NRG1: variants seen among roughly 807,000 people sequenced by gnomAD.
NRG1 encodes the protein pro-neuregulin-1, membrane-bound isoform.
In NRG1, 18 loss-of-function variants were observed where a neutral mutation model predicts 63.8. The observed-to-expected ratio is 0.28, with a 90% CI of 0.19 to 0.42. NRG1 has a LOEUF of 0.42. Among genes scored for constraint, NRG1 ranks in the 10% least tolerant of loss-of-function variants. NRG1 has a pLI of 1.00. For synonymous variants in NRG1, 302 were observed against 301.3 expected (o/e 1.00, Z -0.02); for missense variants, 762 against 814.7 (o/e 0.94, Z 0.79).
At chr8:31,826,361 GT>G (rs1824559988) in intron 1 of NRG1, among the ~76,000 whole-genome samples, 1 of 152,110 alleles carries the variant, frequency 6.6e-6, no homozygotes, top group South Asian at 2.1e-4. Flanking sequence ...GGTCTTTCCT[GT>G]GCTGTTCTCG....
intron 1 of NRG1, among the ~76,000 whole-genome samples, chr8:31,894,726 A>AT (rs1356165566): frequency 6.6e-6 from 1 of 151,522 alleles, no homozygotes; most frequent in Non-Finnish European, 1.5e-5. Flanking sequence ...AATTTTTTGT[A>AT]TTTTTAGTAG....
At chr8:31,820,802 T>G (rs937051336) in intron 1 of NRG1, among the ~76,000 whole-genome samples, 5 of 152,242 alleles carry the variant, frequency 3.3e-5, no homozygotes, top group African/African-American at 1.2e-4. Context: ...TTGTATACTT[T>G]ATCTTACAAA....
At chr8:32,251,287 T>A (rs2200045) in intron 1 of NRG1, among the ~76,000 whole-genome samples, 65,916 of 151,792 alleles carry the variant, frequency 0.43, 14,656 homozygotes, top group Admixed American at 0.48. Flanking sequence ...AACTCCCACT[T>A]ATGAGTAAGA....
At chr8:32,380,428 G>A (rs1810200992) in intron 1 of NRG1, among the ~76,000 whole-genome samples, 1 of 152,038 alleles carries the variant, frequency 6.6e-6, no homozygotes, top group South Asian at 2.1e-4. Context: ...ACCTGTGTGA[G>A]CCATGTATCT....
chr8:32,648,055 A>C (rs752796017), intron 5 of NRG1: 1 of 1,613,840 alleles, frequency 6.2e-7, no homozygotes, highest in Non-Finnish European at 8.5e-7. Context: ...ACTCACCTTG[A>C]CCCTGGGGGG....
chr8:32,695,544 A>G (rs573141544), intron 5 of NRG1, among the ~76,000 whole-genome samples: 1 of 152,336 alleles, frequency 6.6e-6, no homozygotes, highest in East Asian at 1.9e-4. Context: ...CAGAGATACC[A>G]CAGAGCAATC....
chr8:32,050,952 T>C (rs1821881656), intron 1 of NRG1, among the ~76,000 whole-genome samples: 1 of 152,042 alleles, frequency 6.6e-6, no homozygotes, highest in African/African-American at 2.4e-5. Context: ...AGAGAAAATA[T>C]TACAGATCAG....
At chr8:32,721,143 C>T (rs1820519476) in intron 5 of NRG1, among the ~76,000 whole-genome samples, 2 of 152,230 alleles carry the variant, frequency 1.3e-5, no homozygotes, top group Admixed American at 6.5e-5. Flanking sequence ...GGCAGCCTTC[C>T]CCTGTGCACT....
intron 1 of NRG1, among the ~76,000 whole-genome samples, chr8:31,735,919 C>T (rs923403059): frequency 5.3e-5 from 8 of 152,252 alleles, no homozygotes; most frequent in African/African-American, 7.2e-5. Flanking sequence ...TGCTACCATC[C>T]GTCATCTTTT....
rs28415563 is a variant in NRG1 at position 32,378,654 on chromosome 8, A to G, written c.38-217174A>G. On this transcript the variant is annotated intron_variant, in intron 1 of 10. Coordinates refer to the NRG1 transcript ENST00000519301. Reference sequence around the variant, plus strand: ...TTTTATATACTTTAAGTTTTAGGGTACATGTGCACAACGTGCAGGTTAGTT... The same window carrying G: ...TTTTATATACTTTAAGTTTTAGGGTGCATGTGCACAACGTGCAGGTTAGTT... Among the ~76,000 whole-genome samples the G allele has an allele frequency of 9.3e-3, 1,419 of 152,286 alleles. 30 individuals carry two copies. Among genetic ancestry groups the G allele is most frequent in the African/African-American group, 0.032 (1,341 of 41,548 alleles).
intron 1 of NRG1, among the ~76,000 whole-genome samples, chr8:31,796,190 TGACCAGAAAACTAGGAAGAAATA>T (rs1821186636): frequency 6.6e-6 from 1 of 152,132 alleles, no homozygotes; most frequent in African/African-American, 2.4e-5. Flanking sequence ...CATTACAGGT[TGACCAGAAAACTAGGAAGAAATA>T]GACCAGATAC....
At chr8:32,234,901 A>G (rs965644207) in intron 1 of NRG1, among the ~76,000 whole-genome samples, 5 of 152,070 alleles carry the variant, frequency 3.3e-5, no homozygotes, top group Admixed American at 2.0e-4. Context: ...TTAATCTCAT[A>G]CATAAGAGGT....
chr8:32,445,549 T>C (rs1168884186), intron 1 of NRG1, among the ~76,000 whole-genome samples: 1 of 152,206 alleles, frequency 6.6e-6, no homozygotes, highest in Non-Finnish European at 1.5e-5. Context: ...GAATGTGCAG[T>C]TCAAGGCCTA....
At chr8:31,701,338 A>G (rs999235977) in intron 1 of NRG1, among the ~76,000 whole-genome samples, 2 of 152,116 alleles carry the variant, frequency 1.3e-5, no homozygotes, top group Non-Finnish European at 2.9e-5. Context: ...CACTCTTGTG[A>G]GCATGTTTCT....
chr8:31,823,426 G>A (rs1824203681), intron 1 of NRG1, among the ~76,000 whole-genome samples: 1 of 151,954 alleles, frequency 6.6e-6, no homozygotes, highest in African/African-American at 2.4e-5. Flanking sequence ...ACACAATTCA[G>A]GCTGGCTGGA....
intron 1 of NRG1, among the ~76,000 whole-genome samples, chr8:32,459,988 A>G (rs1822113706): frequency 6.6e-6 from 1 of 152,192 alleles, no homozygotes; most frequent in Admixed American, 6.5e-5. Flanking sequence ...CCTTATGTTA[A>G]TGTTGTGCAG....
chr8:32,275,653 G>A (rs756476766), intron 1 of NRG1, among the ~76,000 whole-genome samples: 8 of 152,098 alleles, frequency 5.3e-5, no homozygotes, highest in Non-Finnish European at 1.2e-4. Context: ...AGGGAGTTGA[G>A]GTTAGAGAAG....
At chr8:32,366,048 ACT>A (rs955131933) in intron 1 of NRG1, among the ~76,000 whole-genome samples, 2 of 151,678 alleles carry the variant, frequency 1.3e-5, no homozygotes, top group Non-Finnish European at 1.5e-5. Context: ...GCTCCTCAAA[ACT>A]CTTATTTTTC....
chr8:32,454,906 T>C (rs1395625135), intron 1 of NRG1, among the ~76,000 whole-genome samples: 1 of 152,154 alleles, frequency 6.6e-6, no homozygotes, highest in East Asian at 1.9e-4. Context: ...TTTTTTGTCT[T>C]TTATTCTGTA....
Sources: allele counts gnomAD v4.1 joint callset (sites outside exome capture counted in the v4.1 genomes callset), GRCh38; gene constraint gnomAD v4.1.1; transcripts MANE v1.5; gene names NCBI Gene and HGNC (gene_info 2026-07-23, HGNC 2026-07-21).